Variants in LHFPL1 observed in about 807,000 individuals in gnomAD.
The protein encoded by LHFPL1 is LHFPL tetraspan subfamily member 1.
In LHFPL1, 4 loss-of-function variants were observed where a neutral mutation model predicts 12.1. That is an observed-to-expected ratio of 0.33 (90% CI 0.16 to 0.76). The LOEUF (loss-of-function observed/expected upper bound fraction) is 0.76, where lower values mean the gene tolerates loss of function less well. Among genes scored for constraint, LHFPL1 ranks in the 30% least tolerant of loss-of-function variants. The probability of loss-of-function intolerance (pLI) is 0.61; values close to 1 mark genes in which losing one functional copy is unlikely to be tolerated. For synonymous variants in LHFPL1, 52 were observed against 61.9 expected (o/e 0.84, Z 0.75); for missense variants, 141 against 174.1 (o/e 0.81, Z 1.07).
intron 3 of LHFPL1, among the ~76,000 whole-genome samples, chrX:112,645,110 C>G (rs1179895768): frequency 8.9e-6 from 1 of 112,177 alleles, no homozygotes; most frequent in Non-Finnish European, 1.9e-5. Context: ...GGCATCCCCT[C>G]CAAAAAGGCT....
At chrX:112,670,815 C>T (rs1289563487) in intron 2 of LHFPL1, among the ~76,000 whole-genome samples, 194 bp downstream of exon 2, 1 of 112,287 alleles carries the variant, frequency 8.9e-6, no homozygotes, top group Non-Finnish European at 1.9e-5. Context: ...GCCAAATTTG[C>T]TGTGAATAAA....
chrX:112,666,697 T>G (rs924411615), intron 2 of LHFPL1, among the ~76,000 whole-genome samples: 8 of 111,805 alleles, frequency 7.2e-5, no homozygotes, highest in African/African-American at 2.6e-4. Flanking sequence ...AAATATTTCA[T>G]AATATATTTT....
chrX:112,671,506 C>T (rs898489245), intron 1 of LHFPL1, 102 bp from the exon 2 acceptor site: 1 of 1,179,948 alleles, frequency 8.5e-7, no homozygotes, highest in Admixed American at 2.2e-5. Context: ...AGTCCTGGGG[C>T]TCAATTATGT....
At chrX:112,647,517 T>G in intron 3 of LHFPL1, among the ~76,000 whole-genome samples, 1 of 111,983 alleles carries the variant, frequency 8.9e-6, no homozygotes, top group East Asian at 2.8e-4. Flanking sequence ...GCAAAGGATA[T>G]GAACAGACAC....
intron 3 of LHFPL1, among the ~76,000 whole-genome samples, chrX:112,655,601 C>G (rs1238488734): frequency 1.8e-5 from 2 of 111,899 alleles, no homozygotes; most frequent in Non-Finnish European, 3.8e-5. Flanking sequence ...TCCCTACCTT[C>G]TTCATCTCTC....
intron 1 of LHFPL1, among the ~76,000 whole-genome samples, chrX:112,678,999 C>T (rs983929059): frequency 6.3e-5 from 7 of 111,730 alleles, no homozygotes; most frequent in Admixed American, 4.7e-4. Flanking sequence ...AACATCTGCA[C>T]TATACCTAAC....
chrX:112,650,682 C>T (rs1466548333), intron 3 of LHFPL1, among the ~76,000 whole-genome samples: 1 of 111,616 alleles, frequency 9.0e-6, no homozygotes, highest in Non-Finnish European at 1.9e-5. Flanking sequence ...CAACTAACAG[C>T]ACAGACTCTC....
intron 3 of LHFPL1, among the ~76,000 whole-genome samples, chrX:112,636,617 G>A (rs1287921920): frequency 9.0e-6 from 1 of 111,658 alleles, no homozygotes; most frequent in African/African-American, 3.3e-5. Flanking sequence ...GGCAAGGGAA[G>A]CTCAAGGGGA....
At chrX:112,638,417 T>A (rs1930406569) in intron 3 of LHFPL1, among the ~76,000 whole-genome samples, 1 of 111,401 alleles carries the variant, frequency 9.0e-6, no homozygotes. Context: ...CCAGGTAGCC[T>A]ATAGTGGCCC....
chrX:112,669,058 G>T, intron 2 of LHFPL1, among the ~76,000 whole-genome samples: 1 of 112,601 alleles, frequency 8.9e-6, no homozygotes, highest in Admixed American at 9.4e-5. Context: ...GAAAGGATGT[G>T]AACTAATCCA....
chrX:112,660,515 A>G, intron 3 of LHFPL1, 112 bp downstream of exon 3: 1 of 587,358 alleles, frequency 1.7e-6, no homozygotes, highest in Non-Finnish European at 2.9e-6. Flanking sequence ...AAGCTAACAC[A>G]GTGAGAGAGA....
intron 2 of LHFPL1, among the ~76,000 whole-genome samples, chrX:112,663,154 T>G (rs1188106527): frequency 1.8e-5 from 2 of 111,406 alleles, no homozygotes; most frequent in African/African-American, 6.5e-5. Flanking sequence ...CTCCAGGAAG[T>G]CTTCCCTCGC....
At chrX:112,646,498 T>G (rs1490235196) in intron 3 of LHFPL1, among the ~76,000 whole-genome samples, 2 of 110,157 alleles carry the variant, frequency 1.8e-5, no homozygotes, top group African/African-American at 6.6e-5. Context: ...AGGCCCTAGA[T>G]AAACTGTATA....
chrX:112,668,036 C>A (rs1931385592), intron 2 of LHFPL1, among the ~76,000 whole-genome samples: 2 of 111,247 alleles, frequency 1.8e-5, no homozygotes. Flanking sequence ...CCAGACCTGA[C>A]AAAAATTGAC....
chrX:112,638,621 A>G (rs976737131), intron 3 of LHFPL1, among the ~76,000 whole-genome samples: 3 of 111,962 alleles, frequency 2.7e-5, no homozygotes, highest in African/African-American at 9.7e-5. Flanking sequence ...AGATTAGAAC[A>G]CTAGACATAG....
chrX:112,632,079 G>T (rs956430795), intron 3 of LHFPL1, among the ~76,000 whole-genome samples: 1 of 111,704 alleles, frequency 9.0e-6, no homozygotes, highest in Non-Finnish European at 1.9e-5. Flanking sequence ...AAGTGGTAAA[G>T]ATACAAATGC....
chrX:112,677,413 C>T (rs1395355169), intron 1 of LHFPL1, among the ~76,000 whole-genome samples: 1 of 111,176 alleles, frequency 9.0e-6, no homozygotes, highest in Non-Finnish European at 1.9e-5. Flanking sequence ...GGCAAAGGAA[C>T]GTGAACAGGC....
intron 3 of LHFPL1, among the ~76,000 whole-genome samples, chrX:112,641,783 T>C (rs978436191): frequency 2.7e-5 from 3 of 111,802 alleles, no homozygotes; most frequent in African/African-American, 9.8e-5. Context: ...TCTACAAAAT[T>C]AGTATGTCTG....
At chrX:112,642,344 C>A (rs1930533169) in intron 3 of LHFPL1, among the ~76,000 whole-genome samples, 1 of 98,981 alleles carries the variant, frequency 1.0e-5, no homozygotes, top group Admixed American at 1.1e-4. Flanking sequence ...AGCCCCGTCT[C>A]AACAAAAAAT....
Sources: allele counts gnomAD v4.1 joint callset (sites outside exome capture counted in the v4.1 genomes callset), GRCh38; gene constraint gnomAD v4.1.1; transcripts MANE v1.5; gene names NCBI Gene and HGNC (gene_info 2026-07-23, HGNC 2026-07-21).